KLF16: variants seen among roughly 807,000 people sequenced by gnomAD.
KLF16 encodes the protein Krueppel-like factor 16.
KLF16 carries 6 observed loss-of-function variants against 6.1 expected under a neutral mutation model. That is an observed-to-expected ratio of 0.98 (90% CI 0.54 to 1.93). KLF16 has a LOEUF of 1.93. Ranked by LOEUF, KLF16 falls within the 30% of genes most tolerant of loss-of-function variation. The pLI is 0.01. For missense variants in KLF16, 355 were observed against 363.8 expected (o/e 0.98, Z 0.20); for synonymous variants, 211 against 176.5 (o/e 1.20, Z -1.55).
the KLF16 span, chr19:1,875,111 G>A: frequency 6.6e-6 from 1 of 152,188 alleles, no homozygotes; most frequent in Admixed American, 6.5e-5. Context: ...GTGGGGGAGG[G>A]CGATTTGGTA....
At chr19:1,870,163 C>T in the KLF16 span, among the ~76,000 whole-genome samples, 1 of 151,652 alleles carries the variant, frequency 6.6e-6, no homozygotes, top group Non-Finnish European at 1.5e-5. Flanking sequence ...AACTGCTGAC[C>T]TCATGATCTG....
At chr19:1,856,141 G>A (rs1447242053) in intron 1 of KLF16, among the ~76,000 whole-genome samples, 1 of 152,186 alleles carries the variant, frequency 6.6e-6, no homozygotes, top group African/African-American at 2.4e-5. Flanking sequence ...CCAGCCAGGG[G>A]CCTAGAAGGA....
At chr19:1,867,927 C>CGT (rs71174389), upstream of KLF16, among the ~76,000 whole-genome samples, 29,623 of 147,774 alleles carry the variant, frequency 0.2, 4,396 homozygotes, top group African/African-American at 0.42. Flanking sequence ...TATGTAAGGA[C>CGT]GTGTGTGTGT....
At chr19:1,871,522 T>C in the KLF16 span, among the ~76,000 whole-genome samples, 1 of 152,166 alleles carries the variant, frequency 6.6e-6, no homozygotes, top group African/African-American at 2.4e-5. Context: ...GGTCTGGTGA[T>C]AGCCTTTATT....
chr19:1,863,582 GGGAGGCGGA>G (rs1392732451), upstream of KLF16: 36 of 562,248 alleles, frequency 6.4e-5, no homozygotes, highest in East Asian at 4.3e-3. Flanking sequence ...GCTCGAGTGC[GGGAGGCGGA>G]GGAGGAGGAG....
At chr19:1,865,224 C>T (rs2012168482), upstream of KLF16, among the ~76,000 whole-genome samples, 2 of 152,320 alleles carry the variant, frequency 1.3e-5, no homozygotes, top group East Asian at 1.9e-4. Flanking sequence ...ACACACTTGC[C>T]CCTCTCCTAG....
intron 1 of KLF16, chr19:1,861,636 T>G (rs1261148294): frequency 6.6e-6 from 1 of 152,190 alleles, no homozygotes; most frequent in East Asian, 1.9e-4. Context: ...TGTCTCAAGG[T>G]GGGCAGAGCC....
At chr19:1,859,787 G>A (rs1359915542) in intron 1 of KLF16, among the ~76,000 whole-genome samples, 1 of 152,182 alleles carries the variant, frequency 6.6e-6, no homozygotes, top group Non-Finnish European at 1.5e-5. Flanking sequence ...CTGCGGCAGG[G>A]GACTTCAGAG....
rs1004039794 is a variant in KLF16, at chr19:1,863,530, G to A, written c.-33C>T. ...AAGGGCGCGCGGCGCGGCGGGCGGA[G>A]CGGAGGCGGCGGGAGCGGCGTCCGT... On this transcript the variant is annotated 5_prime_UTR_variant, in exon 1 of 2. Transcript: ENST00000250916. 1 of 961,058 alleles carries A rather than the reference G, an allele frequency of 1.0e-6. No individual in the cohort carries two copies. The highest frequency in any genetic ancestry group is 6.3e-5 in the Admixed American group (1 of 15,856). 59.5% of individuals were successfully genotyped at this position (961,058 alleles called of 1,614,324 possible).
At chr19:1,860,288 G>T (rs996461718) in intron 1 of KLF16, 1 of 152,454 alleles carries the variant, frequency 6.6e-6, no homozygotes, top group Non-Finnish European at 1.5e-5. Context: ...CCCACGCAGG[G>T]GAGAGAGAGC....
Position 1,854,483 on chromosome 19 carries a change from G to A in KLF16, c.735C>T (p.Pro245=). The change falls in exon 2 of 2, where the codon CCC becomes CCT. Residue 245 remains proline, a synonymous_variant. Transcript: ENST00000250916. ...LAGSPAPSPA[P]SPAPAGL ...CCTACAGGCCTGCGGGGGCTGGGCT[G>A]GGCGCGGGGCTGGGCGCAGGGCTCC... 1.4e-6 allele frequency: 2 copies of A among 1,425,274 alleles called. No individual in the cohort carries two copies. The highest frequency in any genetic ancestry group is 1.8e-6 in the Non-Finnish European group (2 of 1,102,318). The allele number at this position is 1,425,274 out of a possible 1,614,324, so 88.3% of individuals were successfully genotyped here. A position where few individuals can be genotyped will look rare whatever the true frequency, so the allele number is the denominator to read the frequency against.
At chr19:1,856,844 C>G (rs910397604) in intron 1 of KLF16, among the ~76,000 whole-genome samples, 4 of 151,982 alleles carry the variant, frequency 2.6e-5, no homozygotes, top group Admixed American at 6.6e-5. Flanking sequence ...GAACATCCCA[C>G]GGCTGGGTGC....
upstream of KLF16, among the ~76,000 whole-genome samples, chr19:1,864,506 C>T (rs1016130470): frequency 3.3e-5 from 5 of 151,426 alleles, no homozygotes; most frequent in African/African-American, 9.7e-5. Context: ...GCGCGCCCCA[C>T]TGGGGGTGGG....
rs547616613 is a variant in KLF16, at chr19:1,854,487, G to A, written c.731C>T (p.Ala244Val). 84 of 1,434,884 alleles carry A rather than the reference G, an allele frequency of 5.9e-5. 1 individual carries two copies. In the East Asian group the frequency reaches 1.8e-3, roughly 30 times the overall value. The allele number at this position is 1,434,884 out of a possible 1,614,324, so 88.9% of individuals were successfully genotyped here. The change falls in exon 2 of 2, where the codon GCG (alanine) becomes GTG (valine). Residue 244 changes from alanine (A) to valine (V), a missense_variant. Coordinates refer to ENST00000250916, the MANE Select transcript of KLF16 (RefSeq NM_031918.4). ...CAGGCCTGCGGGGGCTGGGCTGGGC[G>A]CGGGGCTGGGCGCAGGGCTCCCGGC... ...SLAGSPAPSPAPSPAPAGL is the reference protein window; with the variant it reads ...SLAGSPAPSPVPSPAPAGL
the KLF16 span, among the ~76,000 whole-genome samples, chr19:1,872,523 G>A: frequency 1.3e-5 from 2 of 152,162 alleles, no homozygotes; most frequent in African/African-American, 4.8e-5. Context: ...TGAGGCTATT[G>A]GGGAGGGCGG....
At position 1,854,510 on chromosome 19, in the gene KLF16, G is replaced by A. The variant is rs371601019; in HGVS notation, c.708C>T (p.Ala236=). 41 of 1,481,546 alleles carry A rather than the reference G, an allele frequency of 2.8e-5. No homozygotes were observed. The highest frequency in any genetic ancestry group is 1.3e-4 in the East Asian group (5 of 38,838). The allele number at this position is 1,481,546 out of a possible 1,614,324, so 91.8% of individuals were successfully genotyped here. Residue 236 remains alanine (A), a synonymous_variant, in exon 2 of 2, where the codon GCC becomes GCT. Transcript: ENST00000250916. ...GCGCGGGGCTGGGCGCAGGGCTCCCGGCCAGGCTGCAGGGCAGCGAGTCGC... is the reference window on the plus strand; with the variant it reads ...GCGCGGGGCTGGGCGCAGGGCTCCCAGCCAGGCTGCAGGGCAGCGAGTCGC... ...SPSDSLPCSL[A]GSPAPSPAPS...
At chr19:1,861,093 G>A (rs1183525154) in intron 1 of KLF16, among the ~76,000 whole-genome samples, 1 of 152,010 alleles carries the variant, frequency 6.6e-6, no homozygotes, top group Non-Finnish European at 1.5e-5. Flanking sequence ...GTTTCTTACT[G>A]CAATCCCGGG....
chr19:1,868,269 G>A (rs141769603), upstream of KLF16, among the ~76,000 whole-genome samples: 19 of 152,212 alleles, frequency 1.2e-4, no homozygotes, highest in East Asian at 3.7e-3. Context: ...AGGAGACGAT[G>A]GCAATGGGCC....
chr19:1,870,931 G>A, the KLF16 span, among the ~76,000 whole-genome samples: 2 of 152,360 alleles, frequency 1.3e-5, no homozygotes, highest in Admixed American at 6.5e-5. Flanking sequence ...AGGAGGTGGA[G>A]ATTGCTGTAA....
Sources: allele counts gnomAD v4.1 joint callset (sites outside exome capture counted in the v4.1 genomes callset), GRCh38; gene constraint gnomAD v4.1.1; transcripts MANE v1.5; gene names NCBI Gene and HGNC (gene_info 2026-07-23, HGNC 2026-07-21).